The following SEMA6A variants were observed in gnomAD, a reference collection of about 807,000 sequenced individuals.
The protein encoded by SEMA6A is semaphorin-6A.
A neutral mutation model predicts 96.8 loss-of-function variants in SEMA6A; 25 were observed. The observed-to-expected ratio is 0.26, with a 90% CI of 0.19 to 0.36. SEMA6A has a LOEUF of 0.36. SEMA6A is among the 10% of genes least tolerant of loss of function. SEMA6A has a pLI of 1.00. For missense variants in SEMA6A, 1,363 were observed against 1,323.1 expected (o/e 1.03, Z -0.47); for synonymous variants, 612 against 518.0 (o/e 1.18, Z -2.46).
At chr5:116,528,584 G>A (rs1759330991) in intron 1 of SEMA6A, among the ~76,000 whole-genome samples, 1 of 152,184 alleles carries the variant, frequency 6.6e-6, no homozygotes, top group Non-Finnish European at 1.5e-5. Context: ...GCCACTAAAA[G>A]CCTTTCTGCA....
intron 15 of SEMA6A, among the ~76,000 whole-genome samples, chr5:116,477,348 A>G (rs999207622): frequency 5.3e-5 from 8 of 152,242 alleles, no homozygotes; most frequent in Non-Finnish European, 1.2e-4. Context: ...TAATAGGGTC[A>G]ACTGTTCTTC....
chr5:116,467,474 A>G lies in SEMA6A; in HGVS notation c.1894+109T>C, dbSNP rs574322857. ...TTCGAGAAACTTTCAATCATAGCGC[A>G]TTGGAGGTTCCTTAAATGCTGCCAA... On this transcript the variant is annotated intron_variant, in intron 18 of 18. Coordinates refer to ENST00000343348, the MANE Select transcript of SEMA6A (RefSeq NM_020796.5). The G allele has an allele frequency of 3.6e-5, 39 of 1,074,528 alleles. No homozygotes were observed. In the South Asian group the frequency reaches 5.5e-4, roughly 15 times the overall value. 66.6% of individuals were successfully genotyped at this position (1,074,528 alleles called of 1,614,324 possible).
Position 116,487,997 on chromosome 5 carries a change from T to TA in SEMA6A, c.744+110_744+111insT. On this transcript the variant is annotated intron_variant, in intron 9 of 18. Coordinates refer to ENST00000343348, the MANE Select transcript of SEMA6A (RefSeq NM_020796.5). ...CAGATAGGGCCTCCAGACCGCACTC[T>TA]GTTATTAGATTTATGGCTCTCATTT... 8 of 655,428 alleles carry TA rather than the reference T, an allele frequency of 1.2e-5. No homozygotes were observed. In the East Asian group the frequency reaches 2.1e-4, roughly 17 times the overall value. The allele number at this position is 655,428 out of a possible 1,614,324, so 40.6% of individuals were successfully genotyped here. A position where few individuals can be genotyped will look rare whatever the true frequency, so the allele number is the denominator to read the frequency against.
At chr5:116,468,069 A>G (rs1755883677) in intron 17 of SEMA6A, 1 of 296,296 alleles carries the variant, frequency 3.4e-6, no homozygotes, top group Non-Finnish European at 6.4e-6. Context: ...TGTTGGGAGG[A>G]TAGTGACATA....
intron 10 of SEMA6A, among the ~76,000 whole-genome samples, chr5:116,484,955 G>A (rs1006024484): frequency 6.6e-6 from 1 of 152,200 alleles, no homozygotes; most frequent in Admixed American, 6.5e-5. Flanking sequence ...TGTCATGCCA[G>A]AGAGCTAGGG....
intron 1 of SEMA6A, among the ~76,000 whole-genome samples, chr5:116,548,553 A>G (rs1003764843): frequency 6.6e-6 from 1 of 152,158 alleles, no homozygotes; most frequent in African/African-American, 2.4e-5. Context: ...ACCACGGAAA[A>G]GTTATTGTTG....
intron 1 of SEMA6A, among the ~76,000 whole-genome samples, chr5:116,553,857 A>G (rs1227724911): frequency 6.6e-6 from 1 of 152,220 alleles, no homozygotes; most frequent in Non-Finnish European, 1.5e-5. Context: ...ACTCCATACG[A>G]TACAGCAACC....
intron 1 of SEMA6A, among the ~76,000 whole-genome samples, chr5:116,528,270 C>T (rs984371334): frequency 3.9e-5 from 6 of 152,168 alleles, no homozygotes; most frequent in African/African-American, 1.4e-4. Flanking sequence ...CCTTAGTAAA[C>T]TTCCAGCCAG....
rs761899065 is a variant in SEMA6A, at chr5:116,497,396, A to G, written c.219-9T>C. ...CAGTATAAATATGGTCCCTATAGGC[A>G]AAGAAAAATTAATACAAGGTCAAAC... On this transcript the variant is annotated splice_polypyrimidine_tract_variant and intron_variant, in intron 3 of 18. Transcript: ENST00000343348. The G allele has an allele frequency of 2.6e-6, 4 of 1,556,260 alleles. No individual in the cohort carries two copies. The highest frequency in any genetic ancestry group is 3.5e-6 in the Non-Finnish European group (4 of 1,132,440).
At chr5:116,478,267 GAAAC>G (rs756084043) in intron 13 of SEMA6A, 113 bp from the exon 14 acceptor site, 279 of 1,282,856 alleles carry the variant, frequency 2.2e-4, no homozygotes, top group East Asian at 6.8e-4. Flanking sequence ...AACTGGCGGT[GAAAC>G]AAACAAACCC....
intron 18 of SEMA6A, among the ~76,000 whole-genome samples, chr5:116,451,782 T>A (rs1754652477): frequency 6.6e-6 from 1 of 152,194 alleles, no homozygotes; most frequent in Admixed American, 6.5e-5. Flanking sequence ...TATAAAAGAA[T>A]TTTAATAGTA....
In SEMA6A at chr5:116,444,200, C is replaced by A; in HGVS notation, c.*2413G>T. Reference sequence around the variant, plus strand: ...TCAGGGTTTCAGGAGACAGAGTTCACAGGATGTGAACATGGATTCCATTAC... The same window carrying A: ...TCAGGGTTTCAGGAGACAGAGTTCAAAGGATGTGAACATGGATTCCATTAC... On this transcript the variant is annotated 3_prime_UTR_variant, in exon 19 of 19. Transcript: ENST00000343348. The A allele has an allele frequency of 6.6e-6, 1 of 150,640 alleles. No homozygotes were observed. Among genetic ancestry groups the A allele is most frequent in the Admixed American group, 6.6e-5 (1 of 15,120 alleles). The allele number at this position is 150,640 out of a possible 1,614,324, so 9.3% of individuals were successfully genotyped here.
chr5:116,501,895 A>G (rs1757900388), intron 3 of SEMA6A, among the ~76,000 whole-genome samples: 1 of 152,162 alleles, frequency 6.6e-6, no homozygotes, highest in South Asian at 2.1e-4. Context: ...ATCTCAAACA[A>G]ACAAACAGAG....
chr5:116,531,029 A>G (rs896831184), intron 1 of SEMA6A, among the ~76,000 whole-genome samples: 2 of 152,124 alleles, frequency 1.3e-5, no homozygotes, highest in Non-Finnish European at 2.9e-5. Flanking sequence ...GGGAACAGGG[A>G]TTTGAACCTG....
intron 1 of SEMA6A, among the ~76,000 whole-genome samples, chr5:116,549,610 A>G (rs1242480716): frequency 6.6e-6 from 1 of 152,180 alleles, no homozygotes; most frequent in African/African-American, 2.4e-5. Flanking sequence ...GAATAATTTT[A>G]TTTATAATAA....
Position 116,513,440 on chromosome 5 carries a change from T to C in SEMA6A, c.-38-8458A>G, listed in dbSNP as rs530937080. Among the ~76,000 whole-genome samples, 9 of 152,180 alleles carry C rather than the reference T, an allele frequency of 5.9e-5. No homozygotes were observed. In the East Asian group the frequency reaches 1.7e-3, roughly 29 times the overall value. On this transcript the variant is annotated intron_variant, in intron 1 of 18. Transcript: ENST00000343348. ...CCGTACCCGGCAAGGCAGCTAATTT[T>C]TACCTCTTAATCTAAACCTTTAGTT... is the stretch of plus-strand genomic sequence containing the variant.
At chr5:116,496,229 A>C (rs1580436743) in intron 5 of SEMA6A, 22 bp downstream of exon 5, 1 of 1,606,024 alleles carries the variant, frequency 6.2e-7, no homozygotes, top group Non-Finnish European at 8.5e-7. Context: ...TGGCAGCTGC[A>C]GGAGAAATGA....
Position 116,495,397 on chromosome 5 carries a change from G to A in SEMA6A, c.444+16C>T, listed in dbSNP as rs754743704. 1.2e-4 allele frequency: 194 copies of A among 1,585,130 alleles called. 2 individuals carry two copies. The South Asian group carries it at 1.4e-3, about 12-fold the overall frequency. Reference sequence around the variant, plus strand: ...GCCTCCTGGCAGTGTGGTTCCAACCGACAAATAGCATTTACCTTATAGTTT... The same window carrying A: ...GCCTCCTGGCAGTGTGGTTCCAACCAACAAATAGCATTTACCTTATAGTTT... On this transcript the variant is annotated intron_variant, in intron 6 of 18. Coordinates refer to ENST00000343348, the MANE Select transcript of SEMA6A (RefSeq NM_020796.5).
intron 4 of SEMA6A, among the ~76,000 whole-genome samples, chr5:116,497,088 T>C (rs1757639188): frequency 1.3e-5 from 2 of 152,252 alleles, no homozygotes; most frequent in South Asian, 2.1e-4. Flanking sequence ...GTAGAAATTA[T>C]GTAAAACTTC....
Sources: gnomAD v4.1 joint callset for allele counts (sites outside exome capture counted in the v4.1 genomes callset) on GRCh38, gnomAD v4.1.1 for gene constraint, MANE v1.5 for transcripts, NCBI Gene and HGNC (gene_info 2026-07-23, HGNC 2026-07-21) for gene names.